The following IGF1 variants were observed in gnomAD, a reference collection of about 807,000 sequenced individuals.
IGF1 encodes the protein insulin like growth factor 1.
In IGF1, 4 loss-of-function variants were observed where a neutral mutation model predicts 13.8. The ratio of observed to expected loss-of-function variants is 0.29; its 90% CI spans 0.14 to 0.66. The LOEUF (loss-of-function observed/expected upper bound fraction) is 0.66, where lower values mean the gene tolerates loss of function less well. IGF1 is among the 30% of genes least tolerant of loss of function. The probability of loss-of-function intolerance (pLI) is 0.78; values close to 1 mark genes in which losing one functional copy is unlikely to be tolerated. For missense variants in IGF1, 124 were observed against 188.5 expected (o/e 0.66, Z 2.00); for synonymous variants, 76 against 72.6 (o/e 1.05, Z -0.23).
chr12:102,428,367 A>C (rs1876423162), intron 2 of IGF1, among the ~76,000 whole-genome samples: 1 of 151,590 alleles, frequency 6.6e-6, no homozygotes, highest in African/African-American at 2.4e-5. Context: ...AAGATGTATA[A>C]GCTGAATTTA....
intron 2 of IGF1, among the ~76,000 whole-genome samples, chr12:102,462,067 C>T (rs928712319): frequency 6.6e-5 from 10 of 152,192 alleles, no homozygotes; most frequent in Non-Finnish European, 1.0e-4. Context: ...CCTGACTCTG[C>T]ATTTCTAAAA....
rs1396117379 is a variant in IGF1, at chr12:102,402,516, G to A, written c.453C>T (p.Tyr151=). The change falls in exon 4 of 4, where the codon TAC becomes TAT. Residue 151 remains tyrosine (Y), a synonymous_variant. Transcript: ENST00000337514. ...ASRGSAGNKN[Y]RM ...CCTCAGGAGGGTCTTCCTACATCCT[G>A]TAGTTCTTGTTTCCTGCACTCCCTC... is the stretch of plus-strand genomic sequence containing the variant. The A allele has an allele frequency of 2.6e-6, 2 of 780,842 alleles. No individual in the cohort carries two copies. Among genetic ancestry groups the A allele is most frequent in the Admixed American group, 3.4e-5 (2 of 59,036 alleles). The allele number at this position is 780,842 out of a possible 1,614,324, so 48.4% of individuals were successfully genotyped here.
At chr12:102,417,600 T>G in intron 3 of IGF1, 1 of 1,266,558 alleles carries the variant, frequency 7.9e-7, no homozygotes, top group Non-Finnish European at 9.9e-7. Flanking sequence ...GCCACTGTCT[T>G]TCTTTGCGCT....
chr12:102,453,779 C>A lies in IGF1; in HGVS notation c.220+21864G>T, dbSNP rs575624219. Among the ~76,000 whole-genome samples, 33 of 152,290 alleles carry A rather than the reference C, an allele frequency of 2.2e-4. No individual in the cohort carries two copies. In the East Asian group the frequency reaches 4.6e-3, roughly 21 times the overall value. On this transcript the variant is annotated intron_variant, in intron 2 of 3. Coordinates refer to ENST00000337514, the MANE Select transcript of IGF1 (RefSeq NM_000618.5). ...GCTGTCAAGGTTGTCAGGTACCATG[C>A]GTGCTTGAGTAGGCTGCCTGAGTTA...
At chr12:102,431,825 G>A (rs1452108560) in intron 2 of IGF1, among the ~76,000 whole-genome samples, 1 of 152,172 alleles carries the variant, frequency 6.6e-6, no homozygotes, top group African/African-American at 2.4e-5. Flanking sequence ...AATGCCAGAA[G>A]GAATGCCATG....
intron 2 of IGF1, among the ~76,000 whole-genome samples, chr12:102,440,613 T>C (rs1051065224): frequency 1.3e-5 from 2 of 152,178 alleles, no homozygotes; most frequent in Non-Finnish European, 2.9e-5. Flanking sequence ...ATTTTAAATG[T>C]AGATAGAATG....
At chr12:102,438,554 T>C (rs1877440232) in intron 2 of IGF1, among the ~76,000 whole-genome samples, 1 of 152,170 alleles carries the variant, frequency 6.6e-6, no homozygotes, top group Admixed American at 6.5e-5. Flanking sequence ...CTCCACACAA[T>C]AGACCACCGG....
rs1036156305 is a variant in IGF1 at position 102,430,099 on chromosome 12, A to G, written c.221-10409T>C. Among the ~76,000 whole-genome samples the G allele has an allele frequency of 1.9e-4, 29 of 152,234 alleles. 1 individual carries two copies. The South Asian group carries it at 3.3e-3, about 17-fold the overall frequency. ...CTTCTGTCTGCTCTCTTTGTCTCAC[A>G]TCTGGGTTTGAGAAAGCTGTGTGGA... On this transcript the variant is annotated intron_variant, in intron 2 of 3. Transcript: ENST00000337514.
chr12:102,428,236 G>GTATGTATATATATATATA (rs1555241571), intron 2 of IGF1, among the ~76,000 whole-genome samples: 2 of 69,482 alleles, frequency 2.9e-5, no homozygotes, highest in African/African-American at 8.6e-5. Flanking sequence ...TCAATAATGT[G>GTATGTATATATATATATA]TATATATATA....
At chr12:102,416,524 C>G (rs1277088121) in intron 3 of IGF1, among the ~76,000 whole-genome samples, 2 of 152,168 alleles carry the variant, frequency 1.3e-5, no homozygotes, top group Non-Finnish European at 2.9e-5. Flanking sequence ...GCTGTTGTCT[C>G]CTGGCCAAAA....
intron 2 of IGF1, among the ~76,000 whole-genome samples, chr12:102,458,302 C>A (rs1879594600): frequency 6.6e-6 from 1 of 152,132 alleles, no homozygotes; most frequent in African/African-American, 2.4e-5. Flanking sequence ...TAGACTGACT[C>A]CTGCAATTCT....
chr12:102,418,112 TGCTGGAGAGGGG>T, intron 3 of IGF1: 1 of 1,177,726 alleles, frequency 8.5e-7, no homozygotes, highest in South Asian at 1.6e-5. Flanking sequence ...ACAGCACTCA[TGCTGGAGAGGGG>T]TCTAGACCTC....
Position 102,408,933 on chromosome 12 carries a change from C to T in IGF1, c.403-6367G>A, listed in dbSNP as rs577764755. ...CCCTATTTCTGTTCACACATTAATTCCCCCTAATAAAACCCCTGCTCATTT... is the reference window on the plus strand; with the variant it reads ...CCCTATTTCTGTTCACACATTAATTTCCCCTAATAAAACCCCTGCTCATTT... On this transcript the variant is annotated intron_variant, in intron 3 of 3. Transcript: ENST00000337514. Among the ~76,000 whole-genome samples, 4 of 152,272 alleles carry T rather than the reference C, an allele frequency of 2.6e-5. No individual in the cohort carries two copies. In the East Asian group the frequency reaches 7.7e-4, roughly 29 times the overall value.
At chr12:102,404,174 C>T (rs1873936799) in intron 3 of IGF1, among the ~76,000 whole-genome samples, 1 of 152,040 alleles carries the variant, frequency 6.6e-6, no homozygotes, top group South Asian at 2.1e-4. Context: ...AGGTTCATAA[C>T]CAAAAACAAA....
chr12:102,441,913 C>CT (rs369547069), intron 2 of IGF1, among the ~76,000 whole-genome samples: 7,737 of 121,906 alleles, frequency 0.063, 529 homozygotes, highest in East Asian at 0.23. Context: ...ACTGCTTCTT[C>CT]TCCTTCTTCT....
chr12:102,423,215 C>T (rs1021553614), intron 2 of IGF1: 2 of 142,062 alleles, frequency 1.4e-5, no homozygotes, highest in Admixed American at 1.4e-4. Flanking sequence ...TGAAGTTCCC[C>T]AAGATGCTCT....
intron 3 of IGF1, among the ~76,000 whole-genome samples, chr12:102,418,922 A>G (rs920967975): frequency 6.6e-6 from 1 of 152,206 alleles, no homozygotes; most frequent in African/African-American, 2.4e-5. Flanking sequence ...ATGTTTAATT[A>G]TGCTTGCTAC....
At chr12:102,464,814 A>T (rs78306942) in intron 2 of IGF1, among the ~76,000 whole-genome samples, 1,988 of 152,320 alleles carry the variant, frequency 0.013, 29 homozygotes, top group African/African-American at 0.045. Context: ...GAGTGCGAAG[A>T]TACTTTTTCT....
intron 2 of IGF1, among the ~76,000 whole-genome samples, chr12:102,439,921 G>A (rs1174202257): frequency 1.3e-5 from 2 of 152,038 alleles, no homozygotes; most frequent in African/African-American, 2.4e-5. Context: ...CTTAAACATC[G>A]GGAAGAATTT....
Sources: gnomAD v4.1 joint callset for allele counts (sites outside exome capture counted in the v4.1 genomes callset) on GRCh38, gnomAD v4.1.1 for gene constraint, MANE v1.5 for transcripts, NCBI Gene and HGNC (gene_info 2026-07-23, HGNC 2026-07-21) for gene names.